CBX5: variants seen among roughly 807,000 people sequenced by gnomAD.
CBX5 encodes the protein chromobox 5.
A neutral mutation model predicts 20.7 loss-of-function variants in CBX5; 7 were observed. The observed-to-expected ratio is 0.34, with a 90% CI of 0.19 to 0.63. The LOEUF (loss-of-function observed/expected upper bound fraction) is 0.63. Among genes scored for constraint, CBX5 ranks in the 30% least tolerant of loss-of-function variants. CBX5 has a pLI of 0.75. For synonymous variants in CBX5, 78 were observed against 77.0 expected, an observed-to-expected ratio of 1.01 and a Z score of -0.07; for missense variants, 110 against 224.1, an observed-to-expected ratio of 0.49 and a Z score of 3.25.
intron 1 of CBX5, among the ~76,000 whole-genome samples, chr12:54,270,560 A>G (rs1943999667): frequency 6.6e-6 from 1 of 152,220 alleles, no homozygotes; most frequent in African/African-American, 2.4e-5. Flanking sequence ...GGAATCAGTC[A>G]CAGCACCTAG....
At chr12:54,242,775 A>G (rs545836303) in intron 4 of CBX5, among the ~76,000 whole-genome samples, 1 of 152,250 alleles carries the variant, frequency 6.6e-6, no homozygotes, top group Admixed American at 6.5e-5. Flanking sequence ...ACAAAAAAAA[A>G]TCTAGCTACA....
In CBX5 at chr12:54,279,994, TG is replaced by T. The variant is rs1944121467; in HGVS notation, c.-43+13del. The T allele has an allele frequency of 6.7e-6, 1 of 148,580 alleles. No individual in the cohort carries two copies. Among genetic ancestry groups the T allele is most frequent in the Non-Finnish European group, 1.5e-5 (1 of 67,836 alleles). The allele number at this position is 148,580 out of a possible 1,614,324, so 9.2% of individuals were successfully genotyped here. A position where few individuals can be genotyped will look rare whatever the true frequency, so the allele number is the denominator to read the frequency against. ...AAGACCTACTATGGGTAGATAAGAC[TG>T]TCTGCCACTTACCCGGGATTGAGAG... On this transcript the variant is annotated intron_variant, in intron 1 of 4. Coordinates refer to ENST00000209875, the MANE Select transcript of CBX5 (RefSeq NM_012117.3).
At chr12:54,252,880 G>A (rs1195747875) in intron 2 of CBX5, among the ~76,000 whole-genome samples, 1 of 151,602 alleles carries the variant, frequency 6.6e-6, no homozygotes, top group Non-Finnish European at 1.5e-5. Context: ...AGCTACTCGG[G>A]AGGCTGAGGC....
chr12:54,242,851 G>A (rs982615374), intron 4 of CBX5, among the ~76,000 whole-genome samples: 1 of 151,414 alleles, frequency 6.6e-6, no homozygotes, highest in East Asian at 1.9e-4. Flanking sequence ...AAGCTCAGGT[G>A]CAGCAGCTCA....
In CBX5 at chr12:54,235,700, A is replaced by C. The variant is rs1943614336; in HGVS notation, c.*6055T>G. 1 of 152,240 alleles carries C rather than the reference A, an allele frequency of 6.6e-6. No homozygotes were observed. The highest frequency in any genetic ancestry group is 2.4e-5 in the African/African-American group (1 of 41,464). 9.4% of individuals were successfully genotyped at this position (152,240 alleles called of 1,614,324 possible). A position where few individuals can be genotyped will look rare whatever the true frequency, so the allele number is the denominator to read the frequency against. ...CTCAGGTATTAACAGATGTGCTCCA[A>C]GACTTCTCTTTAGAAAATCTCTTGT... On this transcript the variant is annotated 3_prime_UTR_variant, in exon 5 of 5. Transcript: ENST00000209875.
At chr12:54,249,973 AAC>A (rs1214964576) in intron 3 of CBX5, among the ~76,000 whole-genome samples, 2 of 152,208 alleles carry the variant, frequency 1.3e-5, no homozygotes, top group Non-Finnish European at 2.9e-5. Flanking sequence ...CTGTAATCCC[AAC>A]ACTTTGGGAG....
At chr12:54,245,566 C>T (rs1260556353) in intron 4 of CBX5, among the ~76,000 whole-genome samples, 6 of 151,698 alleles carry the variant, frequency 4.0e-5, no homozygotes, top group Middle Eastern at 3.4e-3. Context: ...CCGAGGCAGG[C>T]GGATTACTTG....
chr12:54,271,429 G>A (rs574894566), intron 1 of CBX5, among the ~76,000 whole-genome samples: 18 of 152,246 alleles, frequency 1.2e-4, no homozygotes, highest in African/African-American at 2.6e-4. Context: ...AGGTTCAAGC[G>A]ATTCTCCTGC....
intron 3 of CBX5, among the ~76,000 whole-genome samples, chr12:54,251,198 C>T (rs931708112): frequency 1.3e-5 from 2 of 151,844 alleles, no homozygotes; most frequent in Non-Finnish European, 2.9e-5. Flanking sequence ...TGGTGGCTCA[C>T]GTCTATAATC....
At chr12:54,279,834 A>G (rs1454431089) in intron 1 of CBX5, among the ~76,000 whole-genome samples, 174 bp downstream of exon 1, 55 of 152,188 alleles carry the variant, frequency 3.6e-4, no homozygotes, top group Admixed American at 3.6e-3. Flanking sequence ...ACAGCTCCAA[A>G]GAACCTACGG....
At chr12:54,277,403 C>G (rs1297270769) in intron 1 of CBX5, among the ~76,000 whole-genome samples, 1 of 152,188 alleles carries the variant, frequency 6.6e-6, no homozygotes, top group African/African-American at 2.4e-5. Context: ...CGGGGTTTCA[C>G]GATGTTGGCC....
At chr12:54,268,233 A>C (rs571247405) in intron 1 of CBX5, among the ~76,000 whole-genome samples, 6 of 152,184 alleles carry the variant, frequency 3.9e-5, no homozygotes, top group Non-Finnish European at 8.8e-5. Context: ...GTGGGAATTT[A>C]AAAGCTGTAA....
chr12:54,238,770 T>C lies in CBX5; in HGVS notation c.*2985A>G, dbSNP rs1214462237. On this transcript the variant is annotated 3_prime_UTR_variant, in exon 5 of 5. Coordinates refer to ENST00000209875, the MANE Select transcript of CBX5 (RefSeq NM_012117.3). ...CTAAGCTGTCCTTGGTAGCCTCTAC[T>C]GGGCAAAGCTGTGCTATAACTCTGA... is the stretch of plus-strand genomic sequence containing the variant. 3 of 152,248 alleles carry C rather than the reference T, an allele frequency of 2.0e-5. No individual in the cohort carries two copies. The highest frequency in any genetic ancestry group is 4.4e-5 in the Non-Finnish European group (3 of 68,044). 9.4% of individuals were successfully genotyped at this position (152,248 alleles called of 1,614,324 possible).
At position 54,280,111 on chromosome 12, in the gene CBX5, G is replaced by A. The variant is rs925537971; in HGVS notation, c.-146C>T. ...CGCCGCCTTCTGCGCAACGCCAACC[G>A]CCCGCCAAAACGGATCCTTCCCTGC... On this transcript the variant is annotated 5_prime_UTR_variant, in exon 1 of 5. Transcript: ENST00000209875. 6.3e-6 allele frequency: 1 copy of A among 158,442 alleles called. No homozygotes were observed. The highest frequency in any genetic ancestry group is 1.4e-5 in the Non-Finnish European group (1 of 71,160). The allele number at this position is 158,442 out of a possible 1,614,324, so 9.8% of individuals were successfully genotyped here.
chr12:54,241,892 C>A lies in CBX5; in HGVS notation c.439G>T (p.Glu147Ter). The part of the protein sequence containing the change: ...MFLMKWKDTD[E>*]ADLVLAKEAN... ...TCTTTTGCAAGAACCAGGTCAGCTT[C>A]ATCTGTGTCTTTCCTGGAGAGAAAG... Residue 147 changes from glutamate (E) to a stop codon, truncating the protein, a stop_gained, in exon 5 of 5, where the codon GAA (glutamate) becomes TAA (stop). Transcript: ENST00000209875. LOFTEE classifies it high-confidence loss of function. The A allele has an allele frequency of 6.2e-7, 1 of 1,613,230 alleles. No individual in the cohort carries two copies. The highest frequency in any genetic ancestry group is 8.5e-7 in the Non-Finnish European group (1 of 1,179,866).
chr12:54,246,891 A>T (rs1943743392), intron 3 of CBX5, among the ~76,000 whole-genome samples: 2 of 152,158 alleles, frequency 1.3e-5, no homozygotes, highest in Non-Finnish European at 2.9e-5. Flanking sequence ...ATTGTAAATA[A>T]GCTTCTGAAA....
rs986607281 is a variant in CBX5, at chr12:54,236,233, CTATT to C, written c.*5518_*5521del. 34 of 152,108 alleles carry C rather than the reference CTATT, an allele frequency of 2.2e-4. No individual in the cohort carries two copies. Among genetic ancestry groups the C allele is most frequent in the African/African-American group, 8.2e-4 (34 of 41,376 alleles). 9.4% of individuals were successfully genotyped at this position (152,108 alleles called of 1,614,324 possible). A position where few individuals can be genotyped will look rare whatever the true frequency, so the allele number is the denominator to read the frequency against. Reference sequence around the variant, plus strand: ...GGTTTATAGCATTTATTATACCAAACTATTTTTTTTTTGAACAGAAACATAGCTT... The same window carrying C: ...GGTTTATAGCATTTATTATACCAAACTTTTTTTTGAACAGAAACATAGCTT... On this transcript the variant is annotated 3_prime_UTR_variant, in exon 5 of 5. Transcript: ENST00000209875.
In CBX5 at chr12:54,237,333, T is replaced by A. The variant is rs952542064; in HGVS notation, c.*4422A>T. ...CAAACAAACAAAAAACCCCAGCAAA[T>A]AAAGGATTTTCCATGAACAGAAAAG... On this transcript the variant is annotated 3_prime_UTR_variant, in exon 5 of 5. Transcript: ENST00000209875. 4 of 152,046 alleles carry A rather than the reference T, an allele frequency of 2.6e-5. No homozygotes were observed. Among genetic ancestry groups the A allele is most frequent in the African/African-American group, 9.7e-5 (4 of 41,394 alleles). The allele number at this position is 152,046 out of a possible 1,614,324, so 9.4% of individuals were successfully genotyped here. A position where few individuals can be genotyped will look rare whatever the true frequency, so the allele number is the denominator to read the frequency against.
chr12:54,262,975 T>C (rs540416977), intron 1 of CBX5: 4 of 152,248 alleles, frequency 2.6e-5, no homozygotes, highest in Non-Finnish European at 5.9e-5. Context: ...CTTTCAGGCA[T>C]AACAGCTCTC....
Sources: allele counts gnomAD v4.1 joint callset (sites outside exome capture counted in the v4.1 genomes callset), GRCh38; gene constraint gnomAD v4.1.1; transcripts MANE v1.5; gene names NCBI Gene and HGNC (gene_info 2026-07-23, HGNC 2026-07-21).